TMX4: variants seen among roughly 807,000 people sequenced by gnomAD.
The protein encoded by TMX4 is thioredoxin-related transmembrane protein 4.
In TMX4, 23 loss-of-function variants were observed where a neutral mutation model predicts 33.3. That is an observed-to-expected ratio of 0.69 (90% confidence interval 0.50 to 0.98). The LOEUF (loss-of-function observed/expected upper bound fraction) is 0.98. TMX4 is among the 50% of genes least tolerant of loss of function. TMX4 has a pLI of 0.00. For synonymous variants in TMX4, 164 were observed against 161.5 expected (o/e 1.02, Z -0.12); for missense variants, 399 against 448.9 (o/e 0.89, Z 1.01).
At chr20:7,997,720 G>A (rs2050682731) in intron 4 of TMX4, among the ~76,000 whole-genome samples, 1 of 152,214 alleles carries the variant, frequency 6.6e-6, no homozygotes, top group Admixed American at 6.5e-5. Flanking sequence ...GTGCTCTCAT[G>A]GCGACTGGCC....
chr20:8,009,699 T>C (rs899548496), intron 2 of TMX4, among the ~76,000 whole-genome samples: 2 of 152,176 alleles, frequency 1.3e-5, no homozygotes, highest in South Asian at 2.1e-4. Context: ...ATAAGTTCCA[T>C]GTCACCATAA....
intron 2 of TMX4, among the ~76,000 whole-genome samples, chr20:8,006,737 C>T (rs79448092): frequency 0.11 from 16,494 of 150,516 alleles, 1,191 homozygotes; most frequent in Non-Finnish European, 0.16. Context: ...GAAGTTCCTT[C>T]TCCTATGATG....
chr20:7,996,599 C>T (rs905027888), intron 4 of TMX4, among the ~76,000 whole-genome samples: 1 of 152,152 alleles, frequency 6.6e-6, no homozygotes, highest in African/African-American at 2.4e-5. Context: ...TGTCCACCTG[C>T]ATCCACCTTC....
chr20:7,996,162 C>A, intron 4 of TMX4, 91 bp from the exon 5 acceptor site: 3 of 1,005,568 alleles, frequency 3.0e-6, no homozygotes, highest in Admixed American at 2.3e-5. Context: ...TATTTCCCTC[C>A]ACTTCTTGCT....
Position 7,983,832 on chromosome 20 carries a change from A to C in TMX4, c.641T>G (p.Phe214Cys). Residue 214 changes from phenylalanine (F) to cysteine (C), a missense_variant, in exon 7 of 8, where the codon TTC becomes TGC. Physicochemically the swap from Phe to Cys is radical, Grantham distance 205 (BLOSUM62 -2). Coordinates refer to ENST00000246024, the MANE Select transcript of TMX4 (RefSeq NM_021156.4). ...TAAATGCCTTGGAAGTGGCACATAGAAACATTCTGATATTACCACCAAGAC... is the reference window on the plus strand; with the variant it reads ...TAAATGCCTTGGAAGTGGCACATAGCAACATTCTGATATTACCACCAAGAC... ...GLVLVVISEC[F>C]YVPLPRHLSE... The C allele has an allele frequency of 1.2e-6, 2 of 1,613,776 alleles. No individual in the cohort carries two copies. Among genetic ancestry groups the C allele is most frequent in the African/African-American group, 2.7e-5 (2 of 75,014 alleles).
At position 7,978,397 on chromosome 20, in the gene TMX4, TA is replaced by T. The variant is rs1166409560; in HGVS notation, c.*3853del. 1 of 152,214 alleles carries T rather than the reference TA, an allele frequency of 6.6e-6. No individual in the cohort carries two copies. The highest frequency in any genetic ancestry group is 2.4e-5 in the African/African-American group (1 of 41,446). 9.4% of individuals were successfully genotyped at this position (152,214 alleles called of 1,614,324 possible). A position where few individuals can be genotyped will look rare whatever the true frequency, so the allele number is the denominator to read the frequency against. ...GCTCCACTACTGATGCATTTGGTAA[TA>T]AAAAGTCACATGGTAAGTATTTGCC... On this transcript the variant is annotated 3_prime_UTR_variant, in exon 8 of 8. Coordinates refer to ENST00000246024, the MANE Select transcript of TMX4 (RefSeq NM_021156.4).
intron 1 of TMX4, 189 bp downstream of exon 1, chr20:8,019,249 A>G (rs1600151551): frequency 6.1e-6 from 4 of 660,528 alleles, no homozygotes; most frequent in African/African-American, 3.9e-5. Context: ...CGCGGACCCC[A>G]GGTCGAGCCC....
In TMX4 at chr20:7,980,446, G is replaced by A. The variant is rs2050600388; in HGVS notation, c.*1805C>T. 1 of 152,224 alleles carries A rather than the reference G, an allele frequency of 6.6e-6. No individual in the cohort carries two copies. The highest frequency in any genetic ancestry group is 1.9e-4 in the East Asian group (1 of 5,196). 9.4% of individuals were successfully genotyped at this position (152,224 alleles called of 1,614,324 possible). A position where few individuals can be genotyped will look rare whatever the true frequency, so the allele number is the denominator to read the frequency against. On this transcript the variant is annotated 3_prime_UTR_variant, in exon 8 of 8. Transcript: ENST00000246024. ...AAAGCTTCCTGATGTCAGGGAGATG[G>A]AACTGCCACCATCAGAACCATGGCA...
At chr20:8,013,256 C>T (rs1320236924) in intron 1 of TMX4, among the ~76,000 whole-genome samples, 3 of 152,108 alleles carry the variant, frequency 2.0e-5, no homozygotes, top group Non-Finnish European at 4.4e-5. Flanking sequence ...GCAATCTTCT[C>T]CTAAGAACTA....
At chr20:7,989,932 C>T (rs1009395302) in intron 5 of TMX4, among the ~76,000 whole-genome samples, 6 of 152,098 alleles carry the variant, frequency 3.9e-5, no homozygotes, top group South Asian at 2.1e-4. Context: ...CCATGCTGTT[C>T]GCTGAAAATG....
At chr20:7,999,217 T>G (rs570443875) in intron 4 of TMX4, among the ~76,000 whole-genome samples, 2 of 152,312 alleles carry the variant, frequency 1.3e-5, no homozygotes, top group Non-Finnish European at 2.9e-5. Context: ...GAAAAAGCTG[T>G]TATGGTTTGG....
At chr20:7,997,706 A>G (rs2050682652) in intron 4 of TMX4, among the ~76,000 whole-genome samples, 1 of 152,262 alleles carries the variant, frequency 6.6e-6, no homozygotes, top group Non-Finnish European at 1.5e-5. Context: ...TCCTTTGTTC[A>G]AGTGTGCTCT....
Position 7,979,208 on chromosome 20 carries a change from T to A in TMX4, c.*3043A>T, listed in dbSNP as rs996069710. The A allele has an allele frequency of 2.0e-5, 3 of 152,140 alleles. No individual in the cohort carries two copies. Among genetic ancestry groups the A allele is most frequent in the Non-Finnish European group, 4.4e-5 (3 of 68,034 alleles). 9.4% of individuals were successfully genotyped at this position (152,140 alleles called of 1,614,324 possible). The stretch of plus-strand genomic sequence containing the variant: ...CATATAAAGTTTAAATTATTTCAGG[T>A]TGGCTTTTCTCCTTTAGTTTTATAT... On this transcript the variant is annotated 3_prime_UTR_variant, in exon 8 of 8. Transcript: ENST00000246024.
chr20:7,990,105 G>T (rs1218783577), intron 5 of TMX4, among the ~76,000 whole-genome samples: 1 of 152,110 alleles, frequency 6.6e-6, no homozygotes, highest in African/African-American at 2.4e-5. Context: ...GACCAGCCTG[G>T]CCAATATGGT....
At chr20:7,999,247 T>A (rs1439988853) in intron 4 of TMX4, among the ~76,000 whole-genome samples, 1 of 152,192 alleles carries the variant, frequency 6.6e-6, no homozygotes, top group Non-Finnish European at 1.5e-5. Flanking sequence ...CCTCACCAAG[T>A]ATTATACAGT....
chr20:8,019,655 A>G lies in TMX4; in HGVS notation c.-42T>C. The G allele has an allele frequency of 7.7e-7, 1 of 1,297,720 alleles. No homozygotes were observed. Among genetic ancestry groups the G allele is most frequent in the Non-Finnish European group, 9.8e-7 (1 of 1,022,442 alleles). 80.4% of individuals were successfully genotyped at this position (1,297,720 alleles called of 1,614,324 possible). ...GGCTTCTCGGCGGGGAGTGTGGGGA[A>G]GGGCAGCGGCCGGCCCGCAGCCTCG... On this transcript the variant is annotated 5_prime_UTR_variant, in exon 1 of 8. Coordinates refer to ENST00000246024, the MANE Select transcript of TMX4 (RefSeq NM_021156.4).
intron 7 of TMX4, among the ~76,000 whole-genome samples, chr20:7,983,007 TC>T (rs2050615826): frequency 6.6e-6 from 1 of 152,170 alleles, no homozygotes; most frequent in African/African-American, 2.4e-5. Flanking sequence ...AGAAACAGCC[TC>T]TTTTTCTTCA....
chr20:7,990,405 G>A (rs966839424), intron 5 of TMX4, among the ~76,000 whole-genome samples: 2 of 138,014 alleles, frequency 1.4e-5, no homozygotes, highest in African/African-American at 6.6e-5. Flanking sequence ...CTAACTTTTG[G>A]CTACATACAT....
chr20:7,989,006 C>T (rs1428289540), intron 5 of TMX4, among the ~76,000 whole-genome samples: 1 of 146,120 alleles, frequency 6.8e-6, no homozygotes, highest in Non-Finnish European at 1.5e-5. Flanking sequence ...GGTGACAGGG[C>T]AAGACTCCGT....
Sources: allele counts gnomAD v4.1 joint callset (sites outside exome capture counted in the v4.1 genomes callset), GRCh38; gene constraint gnomAD v4.1.1; transcripts MANE v1.5; gene names NCBI Gene and HGNC (gene_info 2026-07-23, HGNC 2026-07-21).